The following FBXL17 variants were observed in gnomAD, a reference collection of about 807,000 sequenced individuals.
FBXL17 encodes F-box and leucine rich repeat protein 17.
Under a neutral mutation model 66.2 loss-of-function variants are expected in FBXL17, and 22 were observed. That is an observed-to-expected ratio of 0.33 (90% CI 0.24 to 0.47). The LOEUF is 0.47. Among genes scored for constraint, FBXL17 ranks in the 20% least tolerant of loss-of-function variants. The pLI, the probability that FBXL17 is intolerant of heterozygous loss-of-function variation, is 1.00. For synonymous variants in FBXL17, 474 were observed against 400.5 expected, an observed-to-expected ratio of 1.18 and a Z score of -2.19; for missense variants, 878 against 948.2, an observed-to-expected ratio of 0.93 and a Z score of 0.97.
intron 7 of FBXL17, among the ~76,000 whole-genome samples, chr5:107,987,671 G>A (rs10058249): frequency 0.11 from 17,171 of 151,744 alleles, 1,057 homozygotes; most frequent in East Asian, 0.15. Context: ...ATTTTTAATC[G>A]ATGTTTATAA....
intron 1 of FBXL17, among the ~76,000 whole-genome samples, chr5:108,370,708 A>G (rs1159094933): frequency 2.0e-5 from 3 of 150,846 alleles, no homozygotes. Context: ...GCACCACTGC[A>G]CTCCAGCCCG....
At chr5:108,303,438 T>C (rs1758691860) in intron 4 of FBXL17, among the ~76,000 whole-genome samples, 1 of 151,466 alleles carries the variant, frequency 6.6e-6, no homozygotes, top group Non-Finnish European at 1.5e-5. Context: ...CTTTTTCATA[T>C]GTTGGTCTTC....
chr5:108,063,650 T>C (rs13161819), intron 6 of FBXL17, among the ~76,000 whole-genome samples: 49,286 of 152,054 alleles, frequency 0.32, 9,459 homozygotes, highest in Admixed American at 0.43. Context: ...CCTTCATATA[T>C]ACATTCATTA....
intron 4 of FBXL17, among the ~76,000 whole-genome samples, chr5:108,325,297 G>C (rs548556231): frequency 2.0e-5 from 3 of 152,176 alleles, no homozygotes; most frequent in Admixed American, 6.5e-5. Context: ...AGGAAGAAAA[G>C]AGTGATCAAC....
At chr5:108,094,097 T>C (rs1421870674) in intron 6 of FBXL17, among the ~76,000 whole-genome samples, 1 of 152,122 alleles carries the variant, frequency 6.6e-6, no homozygotes, top group Non-Finnish European at 1.5e-5. Context: ...AGTTAAAAAG[T>C]CTCGAGCTCT....
chr5:108,294,087 TC>T (rs1364728806), intron 4 of FBXL17, among the ~76,000 whole-genome samples: 2 of 124,746 alleles, frequency 1.6e-5, no homozygotes, highest in African/African-American at 5.9e-5. Context: ...TGTATTTCAA[TC>T]ATTAAGATAA....
At chr5:108,343,320 G>A (rs73781331) in intron 4 of FBXL17, among the ~76,000 whole-genome samples, 6,697 of 152,168 alleles carry the variant, frequency 0.044, 508 homozygotes, top group African/African-American at 0.15. Flanking sequence ...CTACCATTCT[G>A]GGTTTAAGTA....
intron 6 of FBXL17, among the ~76,000 whole-genome samples, chr5:108,159,349 TGCATA>T (rs1236283139): frequency 6.6e-6 from 1 of 152,204 alleles, no homozygotes; most frequent in African/African-American, 2.4e-5. Flanking sequence ...TGATACAACC[TGCATA>T]GCATATACTA....
chr5:108,017,748 G>A (rs1008127957), intron 7 of FBXL17, among the ~76,000 whole-genome samples: 14 of 152,096 alleles, frequency 9.2e-5, no homozygotes, highest in Non-Finnish European at 2.1e-4. Flanking sequence ...TCTCTTTAGG[G>A]AGCAATTTCC....
intron 4 of FBXL17, among the ~76,000 whole-genome samples, chr5:108,273,106 C>CG (rs765171145): frequency 4.4e-4 from 67 of 152,088 alleles, no homozygotes; most frequent in Non-Finnish European, 8.7e-4. Flanking sequence ...GGAGGGAGTG[C>CG]GCAAATAGGT....
At chr5:107,930,091 C>A (rs919769) in intron 7 of FBXL17, among the ~76,000 whole-genome samples, 128,395 of 152,076 alleles carry the variant, frequency 0.84, 54,519 homozygotes, top group African/African-American at 0.89. Context: ...TGTACACAGC[C>A]GCCAAAGTAA....
At chr5:108,331,645 C>G (rs1474893711) in intron 4 of FBXL17, among the ~76,000 whole-genome samples, 1 of 152,084 alleles carries the variant, frequency 6.6e-6, no homozygotes, top group Non-Finnish European at 1.5e-5. Flanking sequence ...ATTAATGACA[C>G]TACACATTGA....
chr5:107,863,231 A>G (rs1027045355), intron 8 of FBXL17, among the ~76,000 whole-genome samples: 1 of 151,466 alleles, frequency 6.6e-6, no homozygotes, highest in Non-Finnish European at 1.5e-5. Flanking sequence ...CTAAGTCTAG[A>G]GTTCAGACAG....
chr5:107,949,746 A>G (rs2112605318), intron 7 of FBXL17, among the ~76,000 whole-genome samples: 1 of 152,328 alleles, frequency 6.6e-6, no homozygotes, highest in South Asian at 2.1e-4. Flanking sequence ...GAGCTTTACA[A>G]AATTATTCAT....
intron 5 of FBXL17, among the ~76,000 whole-genome samples, chr5:108,202,861 G>A (rs1454704332): frequency 6.6e-6 from 1 of 152,110 alleles, no homozygotes; most frequent in Non-Finnish European, 1.5e-5. Context: ...CCCTTATTCA[G>A]TGTATTGCTA....
chr5:108,139,888 T>C (rs774438284), intron 6 of FBXL17, among the ~76,000 whole-genome samples: 1 of 152,194 alleles, frequency 6.6e-6, no homozygotes, highest in African/African-American at 2.4e-5. Context: ...GAATTCTTCC[T>C]GAACTTCTTC....
intron 7 of FBXL17, among the ~76,000 whole-genome samples, chr5:107,889,792 C>T (rs1749131887): frequency 1.3e-5 from 2 of 152,192 alleles, no homozygotes; most frequent in Non-Finnish European, 1.5e-5. Context: ...GCATTTATCC[C>T]TTGCCCCTTC....
intron 7 of FBXL17, among the ~76,000 whole-genome samples, chr5:107,995,840 G>A (rs1222707194): frequency 6.6e-6 from 1 of 152,146 alleles, no homozygotes; most frequent in Non-Finnish European, 1.5e-5. Context: ...GAAGGTGAAA[G>A]TTGAGGACAG....
chr5:108,320,873 C>A (rs376572021), intron 4 of FBXL17, among the ~76,000 whole-genome samples: 3 of 151,812 alleles, frequency 2.0e-5, no homozygotes, highest in Admixed American at 1.3e-4. Context: ...ATAGATAATG[C>A]TGATTTTAAT....
Sources: gnomAD v4.1 joint callset for allele counts (sites outside exome capture counted in the v4.1 genomes callset) on GRCh38, gnomAD v4.1.1 for gene constraint, MANE v1.5 for transcripts, NCBI Gene and HGNC (gene_info 2026-07-23, HGNC 2026-07-21) for gene names.